Variants in WASHC3 observed in about 807,000 individuals in gnomAD.
WASHC3 encodes WASH complex subunit 3.
In WASHC3, 24 loss-of-function variants were observed where a neutral mutation model predicts 26.1. The observed-to-expected ratio is 0.92, with a 90% CI of 0.66 to 1.29. The LOEUF is 1.29. Among genes scored for constraint, WASHC3 ranks in the 50% most tolerant of loss-of-function variants. The pLI, the probability that WASHC3 is intolerant of heterozygous loss-of-function variation, is 0.00. For synonymous variants in WASHC3, 77 were observed against 75.7 expected (o/e 1.02, Z -0.09); for missense variants, 214 against 229.6 (o/e 0.93, Z 0.44).
At chr12:102,060,555 C>A (rs967980182) in intron 2 of WASHC3, among the ~76,000 whole-genome samples, 13 of 152,192 alleles carry the variant, frequency 8.5e-5, no homozygotes, top group Admixed American at 1.3e-4. Context: ...TCTAGGCTAT[C>A]TCCTCTAGCC....
Position 102,022,215 on chromosome 12 carries a change from A to G in WASHC3, c.500+3759T>C, listed in dbSNP as rs139291065. Among the ~76,000 whole-genome samples the G allele has an allele frequency of 1.1e-4, 16 of 152,352 alleles. 1 individual carries two copies. In the East Asian group the frequency reaches 2.7e-3, roughly 26 times the overall value. On this transcript the variant is annotated intron_variant, in intron 6 of 6. Transcript: ENST00000240079. ...GTTTGAGAAAACAATATAATTTAAA[A>G]AGATAACTACTCTGTATATGTTAAA... is the stretch of plus-strand genomic sequence containing the variant.
intron 3 of WASHC3, among the ~76,000 whole-genome samples, chr12:102,044,891 C>G (rs1878094021): frequency 6.6e-6 from 1 of 152,168 alleles, no homozygotes; most frequent in African/African-American, 2.4e-5. Flanking sequence ...ACCTTCTTTT[C>G]TGAGTTCATC....
upstream of WASHC3, chr12:102,062,053 C>A (rs1425603281): frequency 8.7e-7 from 1 of 1,155,102 alleles, no homozygotes. Flanking sequence ...AACTTTCCCC[C>A]CAAGTGCCCG....
At position 102,051,599 on chromosome 12, in the gene WASHC3, T is replaced by C. The variant is rs553037741; in HGVS notation, c.151-5480A>G. Among the ~76,000 whole-genome samples, 4 of 152,336 alleles carry C rather than the reference T, an allele frequency of 2.6e-5. No homozygotes were observed. The South Asian group carries it at 8.3e-4, about 32-fold the overall frequency. ...CATGCTTCTTAATCAGATAAAGCAG[T>C]GCAATGTAAGAAAGCAATGAGATAT... is the stretch of plus-strand genomic sequence containing the variant. On this transcript the variant is annotated intron_variant, in intron 2 of 6. Coordinates refer to ENST00000240079, the MANE Select transcript of WASHC3 (RefSeq NM_016053.4).
At chr12:102,053,616 C>T (rs1053544519) in intron 2 of WASHC3, among the ~76,000 whole-genome samples, 3 of 152,112 alleles carry the variant, frequency 2.0e-5, no homozygotes, top group African/African-American at 7.2e-5. Context: ...TTCTTCACAA[C>T]GAATCCAAAA....
intron 1 of WASHC3, 77 bp downstream of exon 1, chr12:102,061,834 TG>T: frequency 7.7e-7 from 1 of 1,291,582 alleles, no homozygotes; most frequent in Non-Finnish European, 1.1e-6. Flanking sequence ...ACTCGGAAGG[TG>T]GGTGTCTCCC....
chr12:102,031,815 A>G (rs958806011), intron 5 of WASHC3, among the ~76,000 whole-genome samples: 1 of 152,182 alleles, frequency 6.6e-6, no homozygotes, highest in Non-Finnish European at 1.5e-5. Flanking sequence ...GAAAAAAGAA[A>G]TCACATCGTT....
chr12:102,042,539 GACC>G (rs1224343431), intron 4 of WASHC3, among the ~76,000 whole-genome samples: 2 of 152,058 alleles, frequency 1.3e-5, no homozygotes, highest in Admixed American at 1.3e-4. Flanking sequence ...GTTACTTTTC[GACC>G]TTCAGCAAGT....
intron 1 of WASHC3, among the ~76,000 whole-genome samples, chr12:102,061,672 G>A (rs907897602): frequency 6.6e-6 from 1 of 152,202 alleles, no homozygotes; most frequent in African/African-American, 2.4e-5. Flanking sequence ...CGGCGGCAGA[G>A]AGACAAGCGA....
chr12:102,041,891 A>AT (rs1174645007), intron 4 of WASHC3, among the ~76,000 whole-genome samples: 1 of 152,070 alleles, frequency 6.6e-6, no homozygotes, highest in East Asian at 1.9e-4. Context: ...GTTATTCTGA[A>AT]TTTGCAAAGC....
chr12:102,034,101 T>A (rs1241928936), intron 5 of WASHC3, among the ~76,000 whole-genome samples: 3 of 152,062 alleles, frequency 2.0e-5, no homozygotes, highest in Non-Finnish European at 4.4e-5. Flanking sequence ...CCCTCTAGAA[T>A]TAGCTGGGGT....
chr12:102,041,304 G>A (rs1012798154), intron 4 of WASHC3, among the ~76,000 whole-genome samples: 9 of 151,924 alleles, frequency 5.9e-5, no homozygotes, highest in Non-Finnish European at 1.0e-4. Flanking sequence ...ATTCTCAGTC[G>A]TTAACTTTTG....
At chr12:102,018,727 C>A (rs531684626) in intron 6 of WASHC3, among the ~76,000 whole-genome samples, 1 of 152,330 alleles carries the variant, frequency 6.6e-6, no homozygotes, top group East Asian at 1.9e-4. Context: ...CCCTTGGCCT[C>A]CCAAAGTGTT....
rs767730476 is a variant in WASHC3, at chr12:102,046,104, A to C, written c.166T>G (p.Ser56Ala). 6.3e-6 allele frequency: 10 copies of C among 1,594,918 alleles called. No homozygotes were observed. The highest frequency in any genetic ancestry group is 8.6e-6 in the Non-Finnish European group (10 of 1,167,414). The change falls in exon 3 of 7, where the codon TCA becomes GCA. Residue 56 changes from serine to alanine, a missense_variant. Physicochemically the swap from Ser to Ala is moderately conservative, Grantham distance 99. Transcript: ENST00000240079. Reference protein sequence around the residue: ...TVCEEKLADLSLRIQQIETTL... With the variant: ...TVCEEKLADLALRIQQIETTL... ...GTTTCAATTTGTTGGATACGAAGTG[A>C]AAGGTCTGCCAGTTTCTGTAAAAGA...
At chr12:102,022,614 G>C (rs1386469270) in intron 6 of WASHC3, among the ~76,000 whole-genome samples, 1 of 152,116 alleles carries the variant, frequency 6.6e-6, no homozygotes, top group Non-Finnish European at 1.5e-5. Context: ...TCTAAAGCCG[G>C]CCTTATCCTG....
intron 6 of WASHC3, among the ~76,000 whole-genome samples, chr12:102,018,452 C>T (rs1303588153): frequency 6.6e-6 from 1 of 152,138 alleles, no homozygotes; most frequent in African/African-American, 2.4e-5. Context: ...TTCTTCATAT[C>T]CTTACCAGTA....
chr12:102,013,302 G>A, intron 6 of WASHC3, 110 bp from the exon 7 acceptor site: 1 of 632,392 alleles, frequency 1.6e-6, no homozygotes, highest in Non-Finnish European at 2.8e-6. Flanking sequence ...AATCTGCCAA[G>A]TCCGTGTCCT....
chr12:102,016,063 T>C (rs1262890511), intron 6 of WASHC3, among the ~76,000 whole-genome samples: 1 of 152,126 alleles, frequency 6.6e-6, no homozygotes, highest in African/African-American at 2.4e-5. Flanking sequence ...CTAATTTTTT[T>C]ACTTTTGGTA....
At chr12:102,050,749 A>G (rs574006006) in intron 2 of WASHC3, 38 of 362,144 alleles carry the variant, frequency 1.0e-4, no homozygotes, top group South Asian at 8.2e-4. Context: ...AAAATTCACT[A>G]TAAGGTTAAA....
Sources: gnomAD v4.1 joint callset for allele counts (sites outside exome capture counted in the v4.1 genomes callset) on GRCh38, gnomAD v4.1.1 for gene constraint, MANE v1.5 for transcripts, NCBI Gene and HGNC (gene_info 2026-07-23, HGNC 2026-07-21) for gene names.